Variants in CELF4 observed in about 807,000 individuals in gnomAD.
CELF4 encodes the protein CUG-BP- and ETR-3-like factor 4.
A neutral mutation model predicts 59.9 loss-of-function variants in CELF4; 18 were observed. That is an observed-to-expected ratio of 0.30 (90% CI 0.21 to 0.45). The LOEUF is 0.45. Among genes scored for constraint, CELF4 ranks in the 20% least tolerant of loss-of-function variants. The pLI, the probability that CELF4 is intolerant of heterozygous loss-of-function variation, is 1.00. For synonymous variants in CELF4, 261 were observed against 267.1 expected, an observed-to-expected ratio of 0.98 and a Z score of 0.22; for missense variants, 456 against 689.0, an observed-to-expected ratio of 0.66 and a Z score of 3.79.
At chr18:37,429,162 C>T (rs1029336479) in intron 2 of CELF4, among the ~76,000 whole-genome samples, 7 of 152,292 alleles carry the variant, frequency 4.6e-5, no homozygotes, top group East Asian at 1.9e-4. Flanking sequence ...TCGCTGGCTA[C>T]GTGGGAGGTG....
chr18:37,330,017 A>G (rs1213734520), intron 2 of CELF4, among the ~76,000 whole-genome samples: 2 of 152,216 alleles, frequency 1.3e-5, no homozygotes, highest in African/African-American at 4.8e-5. Flanking sequence ...CATTTTTTAA[A>G]GATAAGCTTT....
chr18:37,271,783 T>G lies in CELF4; in HGVS notation c.950-866A>C, dbSNP rs1390508302. ...AGTAGACACCTTGGCCTCCTCCACT[T>G]GAAGCAATAGTAGTGGTCATGATGG... On this transcript the variant is annotated intron_variant, in intron 7 of 12. Coordinates refer to ENST00000420428, the MANE Select transcript of CELF4 (RefSeq NM_020180.4). Among the ~76,000 whole-genome samples, 4 of 152,180 alleles carry G rather than the reference T, an allele frequency of 2.6e-5. No individual in the cohort carries two copies. The East Asian group carries it at 7.7e-4, about 29-fold the overall frequency.
chr18:37,387,823 A>G (rs1159803437), intron 2 of CELF4, among the ~76,000 whole-genome samples: 1 of 152,152 alleles, frequency 6.6e-6, no homozygotes, highest in African/African-American at 2.4e-5. Context: ...GGCCCACAGC[A>G]TCCCCAATCC....
intron 3 of CELF4, among the ~76,000 whole-genome samples, chr18:37,298,061 C>A: frequency 6.6e-6 from 1 of 152,188 alleles, no homozygotes; most frequent in East Asian, 1.9e-4. Flanking sequence ...ATCTGCTGGC[C>A]TCAGCTCCAC....
intron 11 of CELF4, among the ~76,000 whole-genome samples, chr18:37,258,050 T>C (rs756488884): frequency 1.5e-4 from 23 of 152,318 alleles, no homozygotes; most frequent in Middle Eastern, 3.4e-3. Flanking sequence ...TGTAAGTACA[T>C]ACTTATACTA....
intron 1 of CELF4, among the ~76,000 whole-genome samples, chr18:37,501,393 C>T (rs1432094188): frequency 1.3e-5 from 2 of 152,222 alleles, no homozygotes; most frequent in African/African-American, 2.4e-5. Flanking sequence ...GGTGGGACAA[C>T]GTGGAGCCCC....
intron 1 of CELF4, among the ~76,000 whole-genome samples, chr18:37,561,594 T>C (rs2099986555): frequency 6.6e-6 from 1 of 152,196 alleles, no homozygotes; most frequent in South Asian, 2.1e-4. Flanking sequence ...TCATGTGTGA[T>C]CCACTGTTTA....
chr18:37,336,607 A>G (rs969060496), intron 2 of CELF4, among the ~76,000 whole-genome samples: 1 of 152,178 alleles, frequency 6.6e-6, no homozygotes, highest in African/African-American at 2.4e-5. Context: ...GGTCACCCTC[A>G]GACTCATATG....
At chr18:37,542,580 TTGTC>T (rs2099978573) in intron 1 of CELF4, among the ~76,000 whole-genome samples, 1 of 152,226 alleles carries the variant, frequency 6.6e-6, no homozygotes, top group Admixed American at 6.5e-5. Context: ...CTCTGTTTCT[TTGTC>T]TGTAAAACAG....
chr18:37,327,682 G>A (rs1297180829), intron 2 of CELF4, among the ~76,000 whole-genome samples: 2 of 152,104 alleles, frequency 1.3e-5, no homozygotes, highest in Non-Finnish European at 2.9e-5. Flanking sequence ...GCAAGGGGGG[G>A]TCCACTCCTG....
chr18:37,409,110 G>C (rs1475445895), intron 2 of CELF4, among the ~76,000 whole-genome samples: 7 of 152,230 alleles, frequency 4.6e-5, no homozygotes. Flanking sequence ...AAGAAACCCT[G>C]AGCCTGACCT....
chr18:37,416,646 A>C (rs1380309165), intron 2 of CELF4, among the ~76,000 whole-genome samples: 1 of 152,190 alleles, frequency 6.6e-6, no homozygotes, highest in Non-Finnish European at 1.5e-5. Flanking sequence ...CACACTGCTC[A>C]GCCAGCCTGG....
intron 3 of CELF4, among the ~76,000 whole-genome samples, chr18:37,286,723 G>T (rs1419945969): frequency 6.6e-6 from 1 of 152,200 alleles, no homozygotes; most frequent in African/African-American, 2.4e-5. Context: ...ACACTGGAAT[G>T]AAGAGAGACT....
At chr18:37,421,566 T>C (rs1472644333) in intron 2 of CELF4, among the ~76,000 whole-genome samples, 1 of 152,244 alleles carries the variant, frequency 6.6e-6, no homozygotes, top group African/African-American at 2.4e-5. Context: ...GTGTGAGTCA[T>C]GTCTCCCAGC....
At chr18:37,471,889 C>T (rs1486898250) in intron 2 of CELF4, among the ~76,000 whole-genome samples, 1 of 152,196 alleles carries the variant, frequency 6.6e-6, no homozygotes, top group Admixed American at 6.5e-5. Flanking sequence ...GTCAGGGCTG[C>T]TGGGAGAGGC....
At chr18:37,454,707 A>G (rs2099773326) in intron 2 of CELF4, among the ~76,000 whole-genome samples, 1 of 152,216 alleles carries the variant, frequency 6.6e-6, no homozygotes, top group South Asian at 2.1e-4. Context: ...TACTCCCAAC[A>G]TCACACTTTG....
intron 3 of CELF4, among the ~76,000 whole-genome samples, chr18:37,277,895 C>T (rs1197404058): frequency 6.6e-6 from 1 of 152,144 alleles, no homozygotes; most frequent in Non-Finnish European, 1.5e-5. Flanking sequence ...CTCACTTGGA[C>T]AGAAAAAGGA....
chr18:37,270,005 C>T (rs959173285), intron 8 of CELF4, among the ~76,000 whole-genome samples: 1 of 152,214 alleles, frequency 6.6e-6, no homozygotes, highest in Non-Finnish European at 1.5e-5. Context: ...GAGCACATTT[C>T]CCTTGTAGTT....
At position 37,553,660 on chromosome 18, in the gene CELF4, G is replaced by A. The variant is rs918225272; in HGVS notation, c.286+11696C>T. Among the ~76,000 whole-genome samples, 6 of 152,118 alleles carry A rather than the reference G, an allele frequency of 3.9e-5. No homozygotes were observed. In the East Asian group the frequency reaches 5.8e-4, roughly 15 times the overall value. On this transcript the variant is annotated intron_variant, in intron 1 of 12. Transcript: ENST00000420428. ...TTCTGATCCTCCTCTCTGGCTTTGC[G>A]GTCCCTGTTTTGCTGGTGTCCCAGG...
Sources: allele counts gnomAD v4.1 joint callset (sites outside exome capture counted in the v4.1 genomes callset), GRCh38; gene constraint gnomAD v4.1.1; transcripts MANE v1.5; gene names NCBI Gene and HGNC (gene_info 2026-07-23, HGNC 2026-07-21).